Variants in POLR2F observed in about 807,000 individuals in gnomAD.
POLR2F encodes DNA-directed RNA polymerases I, II, and III subunit RPABC2.
In POLR2F, 12 loss-of-function variants were observed where a neutral mutation model predicts 22.7. The observed-to-expected ratio is 0.53, with a 90% CI of 0.34 to 0.86. The LOEUF is 0.86. Ranked by LOEUF, POLR2F falls within the 40% of genes least tolerant of loss-of-function variation. The pLI is 0.02. For synonymous variants in POLR2F, 57 were observed against 66.0 expected, an observed-to-expected ratio of 0.86 and a Z score of 0.66; for missense variants, 126 against 171.5, an observed-to-expected ratio of 0.73 and a Z score of 1.48.
chr22:38,014,407 G>A (rs947661080), intron 1 of POLR2F, among the ~76,000 whole-genome samples: 1 of 150,376 alleles, frequency 6.6e-6, no homozygotes, highest in Non-Finnish European at 1.5e-5. Flanking sequence ...CTGGAGTGCA[G>A]TGGTGCTATC....
downstream of POLR2F, chr22:37,972,776 T>A (rs1014494463): frequency 1.3e-5 from 2 of 156,542 alleles, no homozygotes; most frequent in Non-Finnish European, 2.8e-5. Context: ...CGTCACCTCC[T>A]GGGATGCGTC....
At chr22:38,010,582 A>G (rs982488210) in intron 1 of POLR2F, among the ~76,000 whole-genome samples, 17 of 133,978 alleles carry the variant, frequency 1.3e-4, no homozygotes, top group African/African-American at 4.5e-4. Context: ...TGTAATAAAT[A>G]TGTAGTAATA....
At chr22:38,035,919 G>A (rs150759358) in intron 5 of POLR2F, among the ~76,000 whole-genome samples, 50 of 152,134 alleles carry the variant, frequency 3.3e-4, no homozygotes, top group African/African-American at 1.1e-3. Flanking sequence ...AGGAAACTGA[G>A]GCCCTGGGAG....
rs1361183023 is a variant in POLR2F at position 37,968,946 on chromosome 22, C to T, written c.*1231C>T. On this transcript the variant is annotated 3_prime_UTR_variant, in exon 5 of 5. Coordinates refer to ENST00000442738, the MANE Select transcript of POLR2F (RefSeq NM_021974.5). ...CACTCCCATCCACCCTCCTCCAAGC[C>T]TGTGGAATCCTTTAATCAAGTTGGG... 6 of 985,362 alleles carry T rather than the reference C, an allele frequency of 6.1e-6. No individual in the cohort carries two copies. Among genetic ancestry groups the T allele is most frequent in the Non-Finnish European group, 6.0e-6 (5 of 829,968 alleles). The allele number at this position is 985,362 out of a possible 1,614,324, so 61.0% of individuals were successfully genotyped here.
At chr22:37,971,253 C>T (rs1932042239), downstream of POLR2F, 3 of 471,062 alleles carry the variant, frequency 6.4e-6, no homozygotes, top group Non-Finnish European at 1.3e-5. Context: ...CAGATTCTGG[C>T]ACCAGCACTT....
chr22:37,990,156 G>A (rs529153406), intron 1 of POLR2F, among the ~76,000 whole-genome samples: 1 of 152,276 alleles, frequency 6.6e-6, no homozygotes, highest in South Asian at 2.1e-4. Context: ...GACCAGGGAG[G>A]CTGGAGCGGG....
At chr22:37,979,953 G>A (rs1348632803) in intron 4 of POLR2F, among the ~76,000 whole-genome samples, 2 of 151,812 alleles carry the variant, frequency 1.3e-5, no homozygotes, top group East Asian at 1.9e-4. Context: ...GCAGAAGGCC[G>A]AGCCCTCCCT....
intron 1 of POLR2F, among the ~76,000 whole-genome samples, chr22:38,010,177 C>A (rs1460684787): frequency 6.6e-6 from 1 of 152,078 alleles, no homozygotes; most frequent in Non-Finnish European, 1.5e-5. Flanking sequence ...AAGTTCAAGG[C>A]CAGCCTGGAC....
intron 1 of POLR2F, among the ~76,000 whole-genome samples, chr22:37,995,259 C>T (rs187611262): frequency 1.4e-4 from 21 of 152,278 alleles, no homozygotes; most frequent in Non-Finnish European, 1.3e-4. Context: ...CCCAAGTGCT[C>T]GGGGTTGGAC....
chr22:37,983,640 C>T (rs1223421300), upstream of POLR2F: 1 of 1,600,548 alleles, frequency 6.2e-7, no homozygotes, highest in African/African-American at 1.3e-5. This position sits in a 1 kb window ranked among gnomAD's most constrained non-coding sequence, Gnocchi z 9.5. Context: ...CCCAGCTCGC[C>T]TGGCCCCGGG....
At chr22:38,014,804 G>GT (rs1569180964) in intron 1 of POLR2F, among the ~76,000 whole-genome samples, 9 of 108,608 alleles carry the variant, frequency 8.3e-5, no homozygotes, top group Admixed American at 2.0e-4. Context: ...TTGTATTTTT[G>GT]TATTTTTTTT....
At chr22:37,970,524 T>C (rs940361602), downstream of POLR2F, among the ~76,000 whole-genome samples, 2 of 145,102 alleles carry the variant, frequency 1.4e-5, no homozygotes, top group African/African-American at 2.6e-5. Context: ...GGGGAAGCAC[T>C]TGAACCCAGG....
At chr22:38,018,124 A>T (rs1046918310) in intron 1 of POLR2F, among the ~76,000 whole-genome samples, 12 of 152,228 alleles carry the variant, frequency 7.9e-5, no homozygotes, top group Non-Finnish European at 1.2e-4. Flanking sequence ...GACTCAGGCT[A>T]TAGCCAGGGC....
intron 4 of POLR2F, 61 bp from the exon 5 acceptor site, chr22:37,967,564 C>T: frequency 6.3e-7 from 1 of 1,597,182 alleles, no homozygotes; most frequent in Non-Finnish European, 8.5e-7. Context: ...CAATCTGTTC[C>T]TTCTGCGGCA....
chr22:38,037,958 G>A lies in POLR2F; in HGVS notation c.453-3110G>A, dbSNP rs545353433. On this transcript the variant is annotated intron_variant, in intron 5 of 5. Coordinates refer to the POLR2F transcript ENST00000407936. ...AGAGACAGCAGCTCACTTCATGCAG[G>A]TTGGCCGGAGGTAGCAAGGGTCATC... 3.3e-5 allele frequency among the ~76,000 whole-genome samples: 5 copies of A among 152,242 alleles called. No homozygotes were observed. The South Asian group carries it at 8.3e-4, about 25-fold the overall frequency.
rs1443939419 is a variant in POLR2F, at chr22:37,967,134, A to T, written c.257A>T (p.Glu86Val). The T allele has an allele frequency of 6.2e-7, 1 of 1,612,976 alleles. No homozygotes were observed. Among genetic ancestry groups the T allele is most frequent in the African/African-American group, 1.3e-5 (1 of 74,822 alleles). The change falls in exon 4 of 5, where the codon GAG (glutamate) becomes GTG (valine). Residue 86 changes from glutamate (E) to valine (V), a missense_variant. Transcript: ENST00000442738. ...CAPVMVELEG[E>V]TDPLLIAMKE... ...CCTGTGATGGTGGAGCTGGAGGGGG[A>T]GACAGATCCTCTGCTCATTGCCATG...
chr22:38,014,570 G>A (rs1205788843), intron 1 of POLR2F, among the ~76,000 whole-genome samples: 3 of 147,852 alleles, frequency 2.0e-5, no homozygotes, highest in African/African-American at 7.5e-5. Flanking sequence ...TCGGCTCACT[G>A]TAACCACTGC....
Position 37,967,612 on chromosome 22 carries a change from T to G in POLR2F, c.294-13T>G. ...CCAGCCCTCATGTACTTGTGACTTC[T>G]CCCCTGCCACAGGGCCCGAAAGATC... is the stretch of plus-strand genomic sequence containing the variant. On this transcript the variant is annotated splice_polypyrimidine_tract_variant and intron_variant, in intron 4 of 4. Transcript: ENST00000442738. 6.2e-7 allele frequency: 1 copy of G among 1,613,528 alleles called. No homozygotes were observed. The highest frequency in any genetic ancestry group is 8.5e-7 in the Non-Finnish European group (1 of 1,179,696).
At chr22:37,975,749 C>G (rs1048278224) in intron 4 of POLR2F, among the ~76,000 whole-genome samples, 11 of 152,022 alleles carry the variant, frequency 7.2e-5, no homozygotes, top group African/African-American at 2.7e-4. Flanking sequence ...AACTAGTTTC[C>G]TTATCAGTAA....
Sources: allele counts gnomAD v4.1 joint callset (sites outside exome capture counted in the v4.1 genomes callset), GRCh38; gene constraint gnomAD v4.1.1; non-coding constraint Gnocchi (gnomAD v3.1); transcripts MANE v1.5; gene names NCBI Gene and HGNC (gene_info 2026-07-23, HGNC 2026-07-21).